PRR16: variants seen among roughly 807,000 people sequenced by gnomAD.
The protein encoded by PRR16 is protein Largen.
Under a neutral mutation model 18.2 loss-of-function variants are expected in PRR16, and 6 were observed. That is an observed-to-expected ratio of 0.33 (90% CI 0.18 to 0.65). PRR16 has a LOEUF of 0.65. Among genes scored for constraint, PRR16 ranks in the 30% least tolerant of loss-of-function variants. The pLI, the probability that PRR16 is intolerant of heterozygous loss-of-function variation, is 0.74. For missense variants in PRR16, 412 were observed against 376.6 expected (o/e 1.09, Z -0.78); for synonymous variants, 151 against 147.8 (o/e 1.02, Z -0.16).
chr5:120,577,062 T>C (rs771881279), intron 1 of PRR16, among the ~76,000 whole-genome samples: 56 of 152,180 alleles, frequency 3.7e-4, no homozygotes, highest in Non-Finnish European at 5.0e-4. Context: ...AAAGATTCTT[T>C]TTTTTAAGCA....
intron 1 of PRR16, among the ~76,000 whole-genome samples, chr5:120,618,832 C>G (rs946335277): frequency 6.6e-6 from 1 of 151,696 alleles, no homozygotes; most frequent in South Asian, 2.1e-4. Context: ...AGCAGTTTGC[C>G]AAGTCACTTA....
intron 1 of PRR16, among the ~76,000 whole-genome samples, chr5:120,584,409 G>A (rs942791738): frequency 6.6e-6 from 1 of 152,006 alleles, no homozygotes; most frequent in Non-Finnish European, 1.5e-5. Context: ...TAAATATAGG[G>A]TAATAAATTG....
At chr5:120,469,402 A>G (rs969006733) in intron 1 of PRR16, among the ~76,000 whole-genome samples, 2 of 152,224 alleles carry the variant, frequency 1.3e-5, no homozygotes, top group Admixed American at 1.3e-4. Context: ...GGCTCACTGC[A>G]GCCTCCATCT....
chr5:120,655,979 C>G (rs1007057288), intron 1 of PRR16, among the ~76,000 whole-genome samples: 1 of 151,662 alleles, frequency 6.6e-6, no homozygotes, highest in East Asian at 1.9e-4. Flanking sequence ...CTGAACCGAG[C>G]CTTTTACCTG....
the PRR16 span, among the ~76,000 whole-genome samples, chr5:120,737,866 G>T: frequency 0.99 from 150,319 of 152,188 alleles, 74,261 homozygotes; most frequent in East Asian, 1. Context: ...TTCTAATAAT[G>T]TATCCATTTT....
intron 1 of PRR16, among the ~76,000 whole-genome samples, chr5:120,465,047 C>T (rs891533714): frequency 6.6e-6 from 1 of 152,094 alleles, no homozygotes; most frequent in African/African-American, 2.4e-5. Context: ...TTGGCAAGTC[C>T]GCTGCCTATC....
At chr5:120,573,317 A>G (rs1199670528) in intron 1 of PRR16, among the ~76,000 whole-genome samples, 2 of 152,134 alleles carry the variant, frequency 1.3e-5, no homozygotes, top group Admixed American at 1.3e-4. Context: ...ATGTTTTCTT[A>G]CTCTTATTTC....
At chr5:120,656,170 C>G (rs1003902581) in intron 1 of PRR16, among the ~76,000 whole-genome samples, 2 of 151,784 alleles carry the variant, frequency 1.3e-5, no homozygotes, top group African/African-American at 4.8e-5. Context: ...AGCCTTCTTA[C>G]CACATTATGA....
At chr5:120,602,728 AG>A in intron 1 of PRR16, among the ~76,000 whole-genome samples, 1 of 152,088 alleles carries the variant, frequency 6.6e-6, no homozygotes. Flanking sequence ...TTATCATCAA[AG>A]GTATGTTCCT....
the PRR16 span, among the ~76,000 whole-genome samples, chr5:120,749,567 G>T: frequency 3.3e-5 from 5 of 152,046 alleles, no homozygotes; most frequent in Non-Finnish European, 7.4e-5. Context: ...ATTTATTTTA[G>T]ACTGTCATGC....
intron 1 of PRR16, among the ~76,000 whole-genome samples, chr5:120,541,626 A>G (rs922700706): frequency 1.3e-5 from 2 of 152,230 alleles, no homozygotes; most frequent in Non-Finnish European, 2.9e-5. Flanking sequence ...GGGCTTTAAA[A>G]TGATTGCTCA....
At chr5:120,560,397 T>C (rs886346197) in intron 1 of PRR16, among the ~76,000 whole-genome samples, 1 of 151,192 alleles carries the variant, frequency 6.6e-6, no homozygotes, top group Non-Finnish European at 1.5e-5. Context: ...TGAAATGATC[T>C]TTTTTTTTGT....
chr5:120,544,183 C>T (rs2112688003), intron 1 of PRR16, among the ~76,000 whole-genome samples: 1 of 152,218 alleles, frequency 6.6e-6, no homozygotes. Context: ...CCAGAGAATC[C>T]ATGCTCTTTC....
chr5:120,738,033 A>G, the PRR16 span, among the ~76,000 whole-genome samples: 2 of 152,248 alleles, frequency 1.3e-5, no homozygotes, highest in South Asian at 4.1e-4. Context: ...TGAAACAAAG[A>G]AAGCCTAAGA....
intron 1 of PRR16, among the ~76,000 whole-genome samples, chr5:120,638,609 A>G (rs1042029047): frequency 2.6e-5 from 4 of 152,106 alleles, no homozygotes; most frequent in African/African-American, 7.2e-5. Context: ...GGGATTTACA[A>G]CCAGGCCATC....
At chr5:120,549,788 G>A (rs1057019495) in intron 1 of PRR16, among the ~76,000 whole-genome samples, 1 of 151,972 alleles carries the variant, frequency 6.6e-6, no homozygotes, top group African/African-American at 2.4e-5. Flanking sequence ...TTTAACAAAT[G>A]CTTTTGGAAC....
chr5:120,609,730 A>G (rs1008101935), intron 1 of PRR16, among the ~76,000 whole-genome samples: 1 of 152,188 alleles, frequency 6.6e-6, no homozygotes, highest in Admixed American at 6.5e-5. Flanking sequence ...AAAGACAGAA[A>G]AGAAAAATAA....
the PRR16 span, among the ~76,000 whole-genome samples, chr5:120,710,317 T>C: frequency 2.0e-5 from 3 of 152,002 alleles, no homozygotes; most frequent in Admixed American, 6.6e-5. Flanking sequence ...AAATTTATCA[T>C]TTTAGTGGGA....
rs185726101 is a variant in PRR16 at position 120,505,018 on chromosome 5, C to G, written c.159+40373C>G. 7.9e-5 allele frequency among the ~76,000 whole-genome samples: 12 copies of G among 152,176 alleles called. No homozygotes were observed. The East Asian group carries it at 2.3e-3, about 30-fold the overall frequency. ...AGGTTCTTCAGGCTGTTATTTGTTC[C>G]TGGACATTTGGAATATAATCTGGGG... On this transcript the variant is annotated intron_variant, in intron 1 of 1. Coordinates refer to ENST00000407149, the MANE Select transcript of PRR16 (RefSeq NM_001300783.2).
Sources: allele counts gnomAD v4.1 joint callset (sites outside exome capture counted in the v4.1 genomes callset), GRCh38; gene constraint gnomAD v4.1.1; transcripts MANE v1.5; gene names NCBI Gene and HGNC (gene_info 2026-07-23, HGNC 2026-07-21).